The following FASTKD5 variants were observed in gnomAD, a reference collection of about 807,000 sequenced individuals.
The protein encoded by FASTKD5 is non-canonical pre-mRNAs endonuclease FASTKD5, mitochondrial.
FASTKD5 carries 30 observed loss-of-function variants against 44.0 expected under a neutral mutation model. That is an observed-to-expected ratio of 0.68 (90% CI 0.51 to 0.93). The LOEUF is 0.93. Ranked by LOEUF, FASTKD5 falls within the 40% of genes least tolerant of loss-of-function variation. The pLI is 0.00. For synonymous variants in FASTKD5, 335 were observed against 342.2 expected (o/e 0.98, Z 0.23); for missense variants, 868 against 908.2 (o/e 0.96, Z 0.57).
At chr20:3,156,139 C>T (rs1436651056) in intron 1 of FASTKD5, among the ~76,000 whole-genome samples, 3 of 151,002 alleles carry the variant, frequency 2.0e-5, no homozygotes, top group Non-Finnish European at 2.9e-5. Context: ...GGAAAGAGAA[C>T]ACTATGAGAT....
At chr20:3,154,904 T>C (rs755353167) in intron 1 of FASTKD5, among the ~76,000 whole-genome samples, 3 of 151,490 alleles carry the variant, frequency 2.0e-5, no homozygotes, top group Non-Finnish European at 4.4e-5. Flanking sequence ...AGAAGTACAA[T>C]TGGACAGGTG....
Position 3,147,711 on chromosome 20 carries a change from G to A in FASTKD5, c.1360C>T (p.Leu454=). ...PPNAEEFYSS[L]ISEIHRKMPE... is the part of the protein sequence containing the mutation. ...ATCTTTCTGTGAATCTCACTTATCA[G>A]GCTGGAGTAAAATTCTTCTGCATTG... The change falls in exon 2 of 2, where the codon CTG becomes TTG. Residue 454 remains leucine (L), a synonymous_variant. Coordinates refer to ENST00000380266, the MANE Select transcript of FASTKD5 (RefSeq NM_021826.5). 6.2e-7 allele frequency: 1 copy of A among 1,614,224 alleles called. No homozygotes were observed. Among genetic ancestry groups the A allele is most frequent in the Non-Finnish European group, 8.5e-7 (1 of 1,180,044 alleles).
At chr20:3,150,558 G>C (rs1362010304) in intron 1 of FASTKD5, 1 of 152,176 alleles carries the variant, frequency 6.6e-6, no homozygotes, top group East Asian at 1.9e-4. Flanking sequence ...TGACAAGCAA[G>C]ACCCAAGGAG....
At chr20:3,154,557 C>G (rs1295632197) in intron 1 of FASTKD5, among the ~76,000 whole-genome samples, 2 of 152,058 alleles carry the variant, frequency 1.3e-5, no homozygotes. Flanking sequence ...GTGGCACACA[C>G]CTGTGGTCCT....
chr20:3,153,921 C>A (rs985950390), intron 1 of FASTKD5, among the ~76,000 whole-genome samples: 4 of 151,942 alleles, frequency 2.6e-5, no homozygotes, highest in African/African-American at 9.7e-5. Context: ...TGTTGGTGCT[C>A]AAAAAGTTTC....
rs143387139 is a variant in FASTKD5 at position 3,148,141 on chromosome 20, T to G, written c.930A>C (p.Ile310=). Residue 310 remains isoleucine, a synonymous_variant, in exon 2 of 2, where the codon ATA becomes ATC. Coordinates refer to ENST00000380266, the MANE Select transcript of FASTKD5 (RefSeq NM_021826.5). ...QKLESLILKY[I]DLINLEEVGT... is the part of the protein sequence containing the mutation. ...CAACCTCCTCCAAATTGATCAAATC[T>G]ATATATTTAAGGATCAATGATTCCA... is the stretch of plus-strand genomic sequence containing the variant. The G allele has an allele frequency of 5.0e-6, 8 of 1,613,842 alleles. No homozygotes were observed. Among genetic ancestry groups the G allele is most frequent in the African/African-American group, 1.3e-5 (1 of 75,038 alleles).
chr20:3,158,059 C>G (rs2066706729), intron 1 of FASTKD5, among the ~76,000 whole-genome samples: 1 of 152,196 alleles, frequency 6.6e-6, no homozygotes, highest in South Asian at 2.1e-4. Flanking sequence ...CCTCCCACCT[C>G]AGCCTCCTAA....
chr20:3,157,859 G>A (rs958483123), intron 1 of FASTKD5, among the ~76,000 whole-genome samples: 3 of 152,052 alleles, frequency 2.0e-5, no homozygotes, highest in Non-Finnish European at 4.4e-5. Flanking sequence ...AGGCTGTATA[G>A]TACATACTTC....
chr20:3,148,724 C>G lies in FASTKD5; in HGVS notation c.347G>C (p.Arg116Pro). 6.2e-7 allele frequency: 1 copy of G among 1,614,182 alleles called. No individual in the cohort carries two copies. Among genetic ancestry groups the G allele is most frequent in the Non-Finnish European group, 8.5e-7 (1 of 1,180,034 alleles). Residue 116 changes from arginine (R) to proline (P), a missense_variant, in exon 2 of 2, where the codon CGA (arginine) becomes CCA (proline). Coordinates refer to ENST00000380266, the MANE Select transcript of FASTKD5 (RefSeq NM_021826.5). ...TTCTGGTCTTAGCTGTAGGAAAACT[C>G]GCATGTTTTCAAAGGAATCAAACAC... is the stretch of plus-strand genomic sequence containing the variant. ...VEVFDSFENM[R>P]VFLQLRPEYR...
intron 1 of FASTKD5, among the ~76,000 whole-genome samples, chr20:3,156,160 T>G (rs2066682151): frequency 6.6e-6 from 1 of 151,072 alleles, no homozygotes; most frequent in African/African-American, 2.4e-5. Context: ...GCTCAGTCAA[T>G]TAACTTCTGA....
chr20:3,150,313 A>G (rs1310316109), intron 1 of FASTKD5, among the ~76,000 whole-genome samples: 1 of 152,116 alleles, frequency 6.6e-6, no homozygotes, highest in Non-Finnish European at 1.5e-5. Context: ...AGCAAAGAGT[A>G]CCCCAAAGCT....
Position 3,148,345 on chromosome 20 carries a change from A to T in FASTKD5, c.726T>A (p.Asp242Glu), listed in dbSNP as rs1430285924. Reference sequence around the variant, plus strand: ...AGAGATCAGCCACCAAAAGGAGCTGATCCATATTCATCTCCCATACCTGAT... The same window carrying T: ...AGAGATCAGCCACCAAAAGGAGCTGTTCCATATTCATCTCCCATACCTGAT... ...CCHQVWEMNM[D>E]QLLLVADLWR... Residue 242 changes from aspartate (D) to glutamate (E), a missense_variant, in exon 2 of 2, where the codon GAT becomes GAA. Physicochemically the swap from Asp to Glu is conservative, Grantham distance 45. Coordinates refer to ENST00000380266, the MANE Select transcript of FASTKD5 (RefSeq NM_021826.5). 6.2e-7 allele frequency: 1 copy of T among 1,614,022 alleles called. No individual in the cohort carries two copies. The highest frequency in any genetic ancestry group is 8.5e-7 in the Non-Finnish European group (1 of 1,180,052).
chr20:3,153,890 T>C (rs571032685), intron 1 of FASTKD5, among the ~76,000 whole-genome samples: 1 of 152,248 alleles, frequency 6.6e-6, no homozygotes, highest in South Asian at 2.1e-4. Flanking sequence ...CTCCAATCAT[T>C]TTTTTTTCCT....
Position 3,148,669 on chromosome 20 carries a change from C to A in FASTKD5, c.402G>T (p.Glu134Asp). 1 of 1,614,178 alleles carries A rather than the reference C, an allele frequency of 6.2e-7. No individual in the cohort carries two copies. The highest frequency in any genetic ancestry group is 1.1e-5 in the South Asian group (1 of 91,078). ...CTGAAACAGACAGGAGCTGAGAAGT[C>A]TCAGATGCATTATAGCTGTGAACAC... The part of the protein sequence containing the change: ...EYRVHSYNAS[E>D]TSQLLSVSEG... Residue 134 changes from glutamate (E) to aspartate (D), a missense_variant, in exon 2 of 2, where the codon GAG becomes GAT. Glu to Asp is a conservative substitution (Grantham distance 45). Coordinates refer to ENST00000380266, the MANE Select transcript of FASTKD5 (RefSeq NM_021826.5).
chr20:3,147,981 G>A lies in FASTKD5; in HGVS notation c.1090C>T (p.Arg364Cys), dbSNP rs757258714. 19 of 1,614,136 alleles carry A rather than the reference G, an allele frequency of 1.2e-5. No individual in the cohort carries two copies. Among genetic ancestry groups the A allele is most frequent in the South Asian group, 1.1e-4 (10 of 91,076 alleles). The part of the protein sequence containing the change: ...RSLVNIVKMF[R>C]FTHVDHINFM... Reference sequence around the variant, plus strand: ...TTGATGTGATCCACGTGAGTGAAACGGAACATTTTAACAATATTCACTAAG... The same window carrying A: ...TTGATGTGATCCACGTGAGTGAAACAGAACATTTTAACAATATTCACTAAG... The change falls in exon 2 of 2, where the codon CGT (arginine) becomes TGT (cysteine). Residue 364 changes from arginine (R) to cysteine (C), a missense_variant. Coordinates refer to ENST00000380266, the MANE Select transcript of FASTKD5 (RefSeq NM_021826.5).
rs115821648 is a variant in FASTKD5, at chr20:3,149,067, C to A, written c.4G>T (p.Ala2Ser). The change falls in exon 2 of 2, where the codon GCA becomes TCA. Residue 2 changes from alanine to serine, a missense_variant. Coordinates refer to ENST00000380266, the MANE Select transcript of FASTKD5 (RefSeq NM_021826.5). The surrounding 1 kb of genome is among the most constrained non-coding windows in gnomAD (Gnocchi z 4.1). The part of the protein sequence containing the change: M[A>S]ATLKSLKLVR... ...AGTTTTAATGACTTGAGAGTAGCTG[C>A]CATTCTGGTGTCAGTATTGATCTCT... 4.7e-5 allele frequency: 75 copies of A among 1,608,068 alleles called. 2 individuals carry two copies. In the African/African-American group the frequency reaches 9.3e-4, roughly 20 times the overall value.
chr20:3,155,375 C>CAA (rs1430986750), intron 1 of FASTKD5, among the ~76,000 whole-genome samples: 1 of 152,066 alleles, frequency 6.6e-6, no homozygotes, highest in East Asian at 1.9e-4. Flanking sequence ...CCTAAAAATA[C>CAA]AAAAAATTAG....
rs759919568 is a variant in FASTKD5 at position 3,147,616 on chromosome 20, A to C, written c.1455T>G (p.Phe485Leu). ...CLLGLAFLEY[F>L]PVELIDFALS... is the part of the protein sequence containing the mutation. ...GAGCGAAATCAATTAACTCTACTGG[A>C]AAGTACTCCAAAAATGCCAGGCCCA... The change falls in exon 2 of 2, where the codon TTT (phenylalanine) becomes TTG (leucine). Residue 485 changes from phenylalanine (F) to leucine (L), a missense_variant. By Grantham distance (22) the Phe-to-Leu change is conservative. Transcript: ENST00000380266. The C allele has an allele frequency of 3.1e-6, 5 of 1,614,228 alleles. No homozygotes were observed. In the South Asian group the frequency reaches 3.3e-5, roughly 11 times the overall value.
chr20:3,147,139 G>C lies in FASTKD5; in HGVS notation c.1932C>G (p.Gly644=). ...LKGKARGHFQ[G]KTESEPGQQP... is the part of the protein sequence containing the mutation. ...GCTGCCCAGGCTCTGACTCAGTTTT[G>C]CCCTGGAAATGTCCTCTTGCTTTCC... The change falls in exon 2 of 2, where the codon GGC becomes GGG. Residue 644 remains glycine, a synonymous_variant. Coordinates refer to ENST00000380266, the MANE Select transcript of FASTKD5 (RefSeq NM_021826.5). The C allele has an allele frequency of 1.2e-6, 2 of 1,613,692 alleles. No individual in the cohort carries two copies. The highest frequency in any genetic ancestry group is 2.2e-5 in the South Asian group (2 of 91,086).
Sources: gnomAD v4.1 joint callset for allele counts (sites outside exome capture counted in the v4.1 genomes callset) on GRCh38, gnomAD v4.1.1 for gene constraint, Gnocchi (gnomAD v3.1) non-coding constraint, MANE v1.5 for transcripts, NCBI Gene and HGNC (gene_info 2026-07-23, HGNC 2026-07-21) for gene names.